NBEA: variants seen among roughly 807,000 people sequenced by gnomAD.
NBEA encodes neurobeachin, also known as lysosomal-trafficking regulator 2.
Under a neutral mutation model 343.4 loss-of-function variants are expected in NBEA, and 44 were observed. The observed-to-expected ratio is 0.13, with a 90% CI of 0.10 to 0.16. NBEA has a LOEUF of 0.16. NBEA is among the 10% of genes least tolerant of loss of function. The pLI is 1.00. For missense variants in NBEA, 2,555 were observed against 3,631.3 expected, an observed-to-expected ratio of 0.70 and a Z score of 7.62; for synonymous variants, 1,175 against 1,238.7, an observed-to-expected ratio of 0.95 and a Z score of 1.08.
At chr13:35,594,850 T>C (rs2081696977) in intron 47 of NBEA, among the ~76,000 whole-genome samples, 1 of 152,000 alleles carries the variant, frequency 6.6e-6, no homozygotes, top group East Asian at 1.9e-4. Context: ...AGGCTTCTTA[T>C]CGCAGTTAAG....
At chr13:35,441,608 C>T (rs558151467) in intron 39 of NBEA, among the ~76,000 whole-genome samples, 1 of 152,152 alleles carries the variant, frequency 6.6e-6, no homozygotes, top group South Asian at 2.1e-4. Context: ...ACAAAAATTG[C>T]TGCTCCATCA....
rs60898007 is a variant in NBEA at position 35,062,230 on chromosome 13, G to A, written c.1239+3367G>A. On this transcript the variant is annotated intron_variant, in intron 8 of 58. Transcript: ENST00000379939. The stretch of plus-strand genomic sequence containing the variant: ...CAATTCTAGAACTGAAAAATATATC[G>A]GAATTAAAAATAAGCTGTATGGGCT... Among the ~76,000 whole-genome samples, 194 of 151,522 alleles carry A rather than the reference G, an allele frequency of 1.3e-3. 3 individuals are homozygous for A. In the East Asian group the frequency reaches 0.037, roughly 29 times the overall value.
At chr13:35,569,119 G>T (rs1229272606) in intron 45 of NBEA, among the ~76,000 whole-genome samples, 2 of 152,110 alleles carry the variant, frequency 1.3e-5, no homozygotes, top group African/African-American at 4.8e-5. Context: ...ATTGATATAG[G>T]CCATATGCTT....
chr13:35,196,044 T>C lies in NBEA; in HGVS notation c.5108T>C (p.Leu1703Pro). The change falls in exon 31 of 59, where the codon CTC becomes CCC. Residue 1703 changes from leucine (L) to proline (P), a missense_variant. By Grantham distance (98) the Leu-to-Pro change is moderately conservative. This residue lies in a region of NBEA where 270 missense variants were observed against 293.3 expected (regional missense o/e 0.92). Coordinates refer to ENST00000379939, the MANE Select transcript of NBEA (RefSeq NM_001385012.1). ...ACAGGCCCTGATGCCATGAGTGAACTCTTATCCACTTTGTCATCCGAAGTG... is the reference window on the plus strand; with the variant it reads ...ACAGGCCCTGATGCCATGAGTGAACCCTTATCCACTTTGTCATCCGAAGTG... Reference protein sequence around the residue: ...TSTGPDAMSELLSTLSSEVKK... With the variant: ...TSTGPDAMSEPLSTLSSEVKK... 1 of 1,613,652 alleles carries C rather than the reference T, an allele frequency of 6.2e-7. No homozygotes were observed. The highest frequency in any genetic ancestry group is 8.5e-7 in the Non-Finnish European group (1 of 1,179,734).
At chr13:35,424,235 A>G (rs1594585405) in intron 38 of NBEA, among the ~76,000 whole-genome samples, 1 of 152,286 alleles carries the variant, frequency 6.6e-6, no homozygotes, top group South Asian at 2.1e-4. Context: ...GCCAGTTTTC[A>G]AAGGGAATGC....
chr13:35,121,590 A>T (rs181197598), intron 16 of NBEA, among the ~76,000 whole-genome samples: 5 of 151,884 alleles, frequency 3.3e-5, no homozygotes, highest in Admixed American at 1.3e-4. Context: ...GTAAACCCAT[A>T]CATATTTATG....
intron 38 of NBEA, among the ~76,000 whole-genome samples, chr13:35,369,661 A>G (rs2041319118): frequency 6.6e-6 from 1 of 151,922 alleles, no homozygotes; most frequent in African/African-American, 2.4e-5. Flanking sequence ...CTAGTTCATC[A>G]TTCCTGTATA....
chr13:35,011,095 A>T (rs541498718), intron 1 of NBEA, among the ~76,000 whole-genome samples: 7 of 152,132 alleles, frequency 4.6e-5, no homozygotes, highest in Non-Finnish European at 8.8e-5. Context: ...AGGGCAGAGG[A>T]CATAGGTGGA....
chr13:35,026,240 T>G (rs544248997), intron 1 of NBEA, among the ~76,000 whole-genome samples: 2 of 152,102 alleles, frequency 1.3e-5, no homozygotes, highest in Admixed American at 6.6e-5. Flanking sequence ...TCCTGAGGCC[T>G]CCCCAGCCAT....
At chr13:35,333,300 CTT>C (rs1207036988) in intron 36 of NBEA, among the ~76,000 whole-genome samples, 3 of 151,914 alleles carry the variant, frequency 2.0e-5, no homozygotes, top group Non-Finnish European at 4.4e-5. Context: ...AAAAATAAAA[CTT>C]GTAGAATTTT....
chr13:35,070,371 G>A, intron 9 of NBEA, among the ~76,000 whole-genome samples: 3 of 151,940 alleles, frequency 2.0e-5, no homozygotes, highest in African/African-American at 7.2e-5. Flanking sequence ...GAATAAGTTA[G>A]TTGTTAGATA....
In NBEA at chr13:35,085,246, A is replaced by G. The variant is rs1383696196; in HGVS notation, c.1572-13051A>G. 3.9e-5 allele frequency among the ~76,000 whole-genome samples: 6 copies of G among 152,156 alleles called. No individual in the cohort carries two copies. The East Asian group carries it at 1.2e-3, about 29-fold the overall frequency. ...TAACTCATTTTATGAGGCCAGCATC[A>G]TCCTGATACCAAAGCCTGGCAGAGA... On this transcript the variant is annotated intron_variant, in intron 10 of 58. Coordinates refer to ENST00000379939, the MANE Select transcript of NBEA (RefSeq NM_001385012.1).
At chr13:35,311,696 A>T (rs1042742357) in intron 36 of NBEA, among the ~76,000 whole-genome samples, 8 of 152,150 alleles carry the variant, frequency 5.3e-5, no homozygotes, top group Non-Finnish European at 8.8e-5. Flanking sequence ...TCTACTAAAA[A>T]TACAAAAATT....
intron 1 of NBEA, among the ~76,000 whole-genome samples, chr13:35,010,726 CAAAAA>C (rs769896169): frequency 9.3e-4 from 9 of 9,682 alleles, no homozygotes; most frequent in Admixed American, 1.7e-3. Context: ...TGGGTCTCTA[CAAAAA>C]AAAAAAAAAA....
chr13:34,995,248 T>TCAC (rs2060898861), intron 1 of NBEA, among the ~76,000 whole-genome samples: 1 of 151,402 alleles, frequency 6.6e-6, no homozygotes, highest in Non-Finnish European at 1.5e-5. Context: ...AGGTCAGGAG[T>TCAC]TTGAGACCAG....
intron 41 of NBEA, among the ~76,000 whole-genome samples, chr13:35,487,012 C>A (rs995560643): frequency 6.6e-6 from 1 of 151,736 alleles, no homozygotes; most frequent in Non-Finnish European, 1.5e-5. Context: ...ATATACTTTT[C>A]TTTTATAAAG....
At chr13:34,979,381 A>G (rs1372553304) in intron 1 of NBEA, among the ~76,000 whole-genome samples, 1 of 152,148 alleles carries the variant, frequency 6.6e-6, no homozygotes, top group Non-Finnish European at 1.5e-5. Context: ...TTAGCTGGGC[A>G]TGGTGGCGTG....
chr13:35,430,113 A>G (rs1203445682), intron 38 of NBEA, among the ~76,000 whole-genome samples: 1 of 151,690 alleles, frequency 6.6e-6, no homozygotes, highest in Non-Finnish European at 1.5e-5. Context: ...CACCACATCC[A>G]CACCAACATT....
intron 29 of NBEA, 99 bp from the exon 30 acceptor site, chr13:35,183,877 G>T: frequency 1.4e-6 from 1 of 701,124 alleles, no homozygotes; most frequent in Non-Finnish European, 2.4e-6. Flanking sequence ...AGTATTGTTT[G>T]CATGTTGCAG....
Sources: allele counts gnomAD v4.1 joint callset (sites outside exome capture counted in the v4.1 genomes callset), GRCh38; gene constraint gnomAD v4.1.1; regional missense constraint gnomAD v4.1.1; transcripts MANE v1.5; gene names NCBI Gene and HGNC (gene_info 2026-07-23, HGNC 2026-07-21).